UMODL1: variants seen among roughly 807,000 people sequenced by gnomAD.
The protein encoded by UMODL1 is uromodulin like 1, also known as uromodulin-like 1.
Under a neutral mutation model 136.3 loss-of-function variants are expected in UMODL1, and 128 were observed. That is an observed-to-expected ratio of 0.94 (90% CI 0.81 to 1.09). The LOEUF (loss-of-function observed/expected upper bound fraction) is 1.09. Ranked by LOEUF, UMODL1 falls within the 50% of genes least tolerant of loss-of-function variation. The pLI is 0.00. For missense variants in UMODL1, 1,766 were observed against 1,725.6 expected, an observed-to-expected ratio of 1.02 and a Z score of -0.41; for synonymous variants, 721 against 720.0, an observed-to-expected ratio of 1.00 and a Z score of -0.02.
In UMODL1 at chr21:42,103,945, G is replaced by A; in HGVS notation, c.1377G>A (p.Gln459=). The A allele has an allele frequency of 6.2e-7, 1 of 1,614,170 alleles. No homozygotes were observed. The highest frequency in any genetic ancestry group is 1.1e-5 in the South Asian group (1 of 91,082). Residue 459 remains glutamine (Q), a synonymous_variant, in exon 9 of 23, where the codon CAG becomes CAA. Coordinates refer to ENST00000408910, the MANE Select transcript of UMODL1 (RefSeq NM_001004416.3). ...GKLRMQIVSL[Q]AGSVVVRLKL... The stretch of plus-strand genomic sequence containing the variant: ...TGAGAATGCAGATCGTGTCTCTCCA[G>A]GCGGGAAGTGTGGTCGTGAGGCTCA...
intron 10 of UMODL1, among the ~76,000 whole-genome samples, chr21:42,110,609 G>A (rs867551589): frequency 6.6e-6 from 1 of 152,198 alleles, no homozygotes; most frequent in Non-Finnish European, 1.5e-5. Flanking sequence ...TCAAGCCCGG[G>A]TTTTGTAGCC....
At chr21:42,072,693 G>T (rs953115210) in intron 1 of UMODL1, among the ~76,000 whole-genome samples, 2 of 152,250 alleles carry the variant, frequency 1.3e-5, no homozygotes, top group Non-Finnish European at 2.9e-5. Context: ...TGACAAGAGA[G>T]GGGCACTGGG....
Position 42,111,016 on chromosome 21 carries a change from C to A in UMODL1, c.1794C>A (p.Thr598=), listed in dbSNP as rs2066815018. The A allele has an allele frequency of 6.2e-7, 1 of 1,613,032 alleles. No individual in the cohort carries two copies. The highest frequency in any genetic ancestry group is 8.5e-7 in the Non-Finnish European group (1 of 1,179,722). ...LSPSPGYPQG[T]PAAGQAWTPE... is the part of the protein sequence containing the mutation. Reference sequence around the variant, plus strand: ...CCAGTCCTGGGTACCCTCAGGGCACCCCGGCAGCAGGCCAGGCCTGGACCC... The same window carrying A: ...CCAGTCCTGGGTACCCTCAGGGCACACCGGCAGCAGGCCAGGCCTGGACCC... The change falls in exon 11 of 23, where the codon ACC becomes ACA. Residue 598 remains threonine, a synonymous_variant. Coordinates refer to ENST00000408910, the MANE Select transcript of UMODL1 (RefSeq NM_001004416.3).
chr21:42,096,258 G>A (rs1471467251), intron 6 of UMODL1, among the ~76,000 whole-genome samples: 2 of 152,098 alleles, frequency 1.3e-5, no homozygotes, highest in Non-Finnish European at 2.9e-5. Context: ...CATTTCTTTG[G>A]ATTAGATGAG....
At chr21:42,076,313 C>G in intron 2 of UMODL1, 66 bp downstream of exon 2, 1 of 1,596,610 alleles carries the variant, frequency 6.3e-7, no homozygotes, top group Non-Finnish European at 8.6e-7. Context: ...ATGGGACAGT[C>G]ACCGTTGGCA....
At chr21:42,094,255 C>T (rs531968733) in intron 6 of UMODL1, among the ~76,000 whole-genome samples, 2 of 152,278 alleles carry the variant, frequency 1.3e-5, no homozygotes, top group African/African-American at 4.8e-5. Context: ...CCAGTGTTTC[C>T]AGATCAGCAG....
At position 42,127,699 on chromosome 21, in the gene UMODL1, C is replaced by A. The variant is rs561328646; in HGVS notation, c.3558C>A (p.Asn1186Lys). The A allele has an allele frequency of 3.0e-5, 48 of 1,614,082 alleles. No individual in the cohort carries two copies. The highest frequency in any genetic ancestry group is 3.9e-5 in the Non-Finnish European group (46 of 1,180,004). Reference sequence around the variant, plus strand: ...GCCCTGTGCCCAACACATACACCAACGTGATTGAGAACGGCAACTCCAATA... The same window carrying A: ...GCCCTGTGCCCAACACATACACCAAAGTGATTGAGAACGGCAACTCCAATA... Reference protein sequence around the residue: ...NSCPVPNTYTNVIENGNSNKA... With the variant: ...NSCPVPNTYTKVIENGNSNKA... The change falls in exon 20 of 23, where the codon AAC becomes AAA. Residue 1186 changes from asparagine to lysine, a missense_variant. By Grantham distance (94) the Asn-to-Lys change is moderately conservative. Coordinates refer to ENST00000408910, the MANE Select transcript of UMODL1 (RefSeq NM_001004416.3).
intron 1 of UMODL1, among the ~76,000 whole-genome samples, chr21:42,075,695 C>T (rs1043168193): frequency 1.3e-5 from 2 of 152,238 alleles, no homozygotes; most frequent in Non-Finnish European, 2.9e-5. Flanking sequence ...GTATATGGAC[C>T]GTGAGAACCC....
chr21:42,122,455 C>T lies in UMODL1; in HGVS notation c.2828-376C>T, dbSNP rs1053437698. 2.0e-5 allele frequency among the ~76,000 whole-genome samples: 3 copies of T among 152,184 alleles called. No homozygotes were observed. Among genetic ancestry groups the T allele is most frequent in the East Asian group, 1.9e-4 (1 of 5,188 alleles). On this transcript the variant is annotated intron_variant, in intron 16 of 22. Transcript: ENST00000408910. This position sits in a 1 kb window ranked among gnomAD's most constrained non-coding sequence, Gnocchi z 4.3. ...TGTATCCACTGGCTTGGCACATCCC[C>T]GGCATCAGGTCCCTCGGTCCTTGGC...
At position 42,103,619 on chromosome 21, in the gene UMODL1, G is replaced by A. The variant is rs370398039; in HGVS notation, c.1300-249G>A. On this transcript the variant is annotated intron_variant, in intron 8 of 22. Transcript: ENST00000408910. ...TCCATCTGATGCTCCACAACTGGGAGCTTGATTGCAGTGGTCACTGTGAGT... is the reference window on the plus strand; with the variant it reads ...TCCATCTGATGCTCCACAACTGGGAACTTGATTGCAGTGGTCACTGTGAGT... 7 of 634,252 alleles carry A rather than the reference G, an allele frequency of 1.1e-5. 1 individual carries two copies. Among genetic ancestry groups the A allele is most frequent in the African/African-American group, 1.8e-5 (1 of 55,752 alleles). 39.3% of individuals were successfully genotyped at this position (634,252 alleles called of 1,614,324 possible).
intron 9 of UMODL1, among the ~76,000 whole-genome samples, chr21:42,105,829 C>T (rs970931000): frequency 2.0e-5 from 3 of 152,152 alleles, no homozygotes; most frequent in Non-Finnish European, 4.4e-5. Flanking sequence ...CTGTTTCAGG[C>T]CCCCCAGCTG....
Position 42,123,562 on chromosome 21 carries a change from A to C in UMODL1, c.3147+412A>C, listed in dbSNP as rs930836599. 2.6e-5 allele frequency among the ~76,000 whole-genome samples: 4 copies of C among 151,118 alleles called. No individual in the cohort carries two copies. Among genetic ancestry groups the C allele is most frequent in the African/African-American group, 4.9e-5 (2 of 40,992 alleles). Reference sequence around the variant, plus strand: ...GTATGTGGGGGTGTGCATGTGTGTGAATGTGTGTAAATGTGTGAATCTGTG... The same window carrying C: ...GTATGTGGGGGTGTGCATGTGTGTGCATGTGTGTAAATGTGTGAATCTGTG... On this transcript the variant is annotated intron_variant, in intron 17 of 22. Transcript: ENST00000408910. This position sits in a 1 kb window ranked among gnomAD's most constrained non-coding sequence, Gnocchi z 4.4.
intron 1 of UMODL1, among the ~76,000 whole-genome samples, chr21:42,075,241 T>TGGTTG (rs537937597): frequency 7.0e-6 from 1 of 142,916 alleles, no homozygotes; most frequent in Admixed American, 6.9e-5. Context: ...TTGCTGGAGA[T>TGGTTG]GGGGGGGGGG....
chr21:42,064,402 TG>T (rs948933644), intron 1 of UMODL1, among the ~76,000 whole-genome samples: 7 of 152,214 alleles, frequency 4.6e-5, no homozygotes, highest in Admixed American at 3.9e-4. Context: ...TACCTCTCCC[TG>T]GGTCTTGAGT....
chr21:42,103,330 C>G, intron 8 of UMODL1: 1 of 226,988 alleles, frequency 4.4e-6, no homozygotes. Context: ...GAAATGTTAA[C>G]TCACTTGTGT....
Position 42,121,173 on chromosome 21 carries a change from G to C in UMODL1, c.2776G>C (p.Glu926Gln), listed in dbSNP as rs765068807. Residue 926 changes from glutamate (E) to glutamine (Q), a missense_variant, in exon 16 of 23, where the codon GAG (glutamate) becomes CAG (glutamine). Transcript: ENST00000408910. ...NTLGSFTCSCEGGAPDFPVEY... is the reference protein window; with the variant it reads ...NTLGSFTCSCQGGAPDFPVEY... Reference sequence around the variant, plus strand: ...CCTCGGGTCTTTCACTTGTAGCTGCGAGGGAGGAGCCCCCGACTTCCCTGT... The same window carrying C: ...CCTCGGGTCTTTCACTTGTAGCTGCCAGGGAGGAGCCCCCGACTTCCCTGT... 17 of 1,613,968 alleles carry C rather than the reference G, an allele frequency of 1.1e-5. No individual in the cohort carries two copies. The East Asian group carries it at 3.6e-4, about 34-fold the overall frequency.
At chr21:42,132,867 A>G (rs2123386008) in intron 21 of UMODL1, among the ~76,000 whole-genome samples, 1 of 152,286 alleles carries the variant, frequency 6.6e-6, no homozygotes. Context: ...CTCATCTTTG[A>G]AAAGGGAATA....
rs377184956 is a variant in UMODL1, at chr21:42,137,521, A to T, written c.3858A>T (p.Gly1286=). 7 of 1,614,070 alleles carry T rather than the reference A, an allele frequency of 4.3e-6. No individual in the cohort carries two copies. In the South Asian group the frequency reaches 7.7e-5, roughly 18 times the overall value. The change falls in exon 22 of 23, where the codon GGA becomes GGT. Residue 1286 remains glycine, a synonymous_variant. Coordinates refer to ENST00000408910, the MANE Select transcript of UMODL1 (RefSeq NM_001004416.3). ...IVVAIFVLVA[G]TATLLIVRYQ... is the part of the protein sequence containing the mutation. Reference sequence around the variant, plus strand: ...TGGCCATCTTCGTGCTGGTGGCGGGAACAGCCACCCTTCTGATCGTGCGCT... The same window carrying T: ...TGGCCATCTTCGTGCTGGTGGCGGGTACAGCCACCCTTCTGATCGTGCGCT...
rs111593819 is a variant in UMODL1 at position 42,085,038 on chromosome 21, T to C, written c.482-253T>C. On this transcript the variant is annotated intron_variant, in intron 3 of 22. Coordinates refer to ENST00000408910, the MANE Select transcript of UMODL1 (RefSeq NM_001004416.3). The surrounding 1 kb of genome is among the most constrained non-coding windows in gnomAD (Gnocchi z 4.5). ...CTCTTCAAGGGAAGGCCTGCTGCTGTGGGTCCCAGGCCCAGCTCACCTCTG... is the reference window on the plus strand; with the variant it reads ...CTCTTCAAGGGAAGGCCTGCTGCTGCGGGTCCCAGGCCCAGCTCACCTCTG... Among the ~76,000 whole-genome samples, 128 of 152,208 alleles carry C rather than the reference T, an allele frequency of 8.4e-4. 1 individual carries two copies. The highest frequency in any genetic ancestry group is 2.9e-3 in the African/African-American group (120 of 41,516).
Sources: allele counts gnomAD v4.1 joint callset (sites outside exome capture counted in the v4.1 genomes callset), GRCh38; gene constraint gnomAD v4.1.1; non-coding constraint Gnocchi (gnomAD v3.1); transcripts MANE v1.5; gene names NCBI Gene and HGNC (gene_info 2026-07-23, HGNC 2026-07-21).